Variants in RD3 observed in about 807,000 individuals in gnomAD.
RD3 encodes RD3 regulator of GUCY2D, also known as protein RD3.
Under a neutral mutation model 16.9 loss-of-function variants are expected in RD3, and 11 were observed. The observed-to-expected ratio is 0.65, with a 90% CI of 0.41 to 1.08. The LOEUF (loss-of-function observed/expected upper bound fraction) is 1.08. Ranked by LOEUF, RD3 falls within the 50% of genes least tolerant of loss-of-function variation. The pLI, the probability that RD3 is intolerant of heterozygous loss-of-function variation, is 0.00. For missense variants in RD3, 274 were observed against 267.4 expected, an observed-to-expected ratio of 1.02 and a Z score of -0.17; for synonymous variants, 116 against 114.8, an observed-to-expected ratio of 1.01 and a Z score of -0.07.
Position 211,477,389 on chromosome 1 carries a change from G to A in RD3, c.*1647C>T, listed in dbSNP as rs1031773730. ...GAATCACTTGAACCCGGGAGGCAAA[G>A]GTTGTGGTGAGCCGAGATCACGCCA... On this transcript the variant is annotated 3_prime_UTR_variant, in exon 3 of 3. Transcript: ENST00000680073. 1 of 151,784 alleles carries A rather than the reference G, an allele frequency of 6.6e-6. No homozygotes were observed. The highest frequency in any genetic ancestry group is 1.5e-5 in the Non-Finnish European group (1 of 68,006). 9.4% of individuals were successfully genotyped at this position (151,784 alleles called of 1,614,324 possible). A position where few individuals can be genotyped will look rare whatever the true frequency, so the allele number is the denominator to read the frequency against.
chr1:211,482,198 G>A (rs1705282975), intron 1 of RD3, among the ~76,000 whole-genome samples: 1 of 150,306 alleles, frequency 6.7e-6, no homozygotes, highest in African/African-American at 2.5e-5. Context: ...CTCCAGCCTG[G>A]GCAAAAAGAG....
chr1:211,478,317 G>T lies in RD3; in HGVS notation c.*719C>A. 1 of 397,174 alleles carries T rather than the reference G, an allele frequency of 2.5e-6. No individual in the cohort carries two copies. The highest frequency in any genetic ancestry group is 4.4e-5 in the Admixed American group (1 of 22,722). The allele number at this position is 397,174 out of a possible 1,614,324, so 24.6% of individuals were successfully genotyped here. The stretch of plus-strand genomic sequence containing the variant: ...AAGGTAAGAGATGGATCAGGCCACA[G>T]GTAGGTAGAGATGTAGCCTTTGGAC... On this transcript the variant is annotated 3_prime_UTR_variant, in exon 3 of 3. Transcript: ENST00000680073.
chr1:211,480,209 G>C (rs1482610584), intron 2 of RD3, among the ~76,000 whole-genome samples: 1 of 152,078 alleles, frequency 6.6e-6, no homozygotes, highest in Non-Finnish European at 1.5e-5. Context: ...TCAGAGCTGG[G>C]GGAGAGTAAG....
intron 2 of RD3, among the ~76,000 whole-genome samples, chr1:211,480,499 G>A (rs773433858): frequency 4.6e-5 from 7 of 152,156 alleles, no homozygotes; most frequent in Non-Finnish European, 1.0e-4. Flanking sequence ...GAAATTACTC[G>A]ATGCTTCCTT....
rs902074351 is a variant in RD3, at chr1:211,481,480, T to C, written c.-11-54A>G. 1.0e-5 allele frequency: 16 copies of C among 1,544,556 alleles called. No homozygotes were observed. The Admixed American group carries it at 1.9e-4, about 19-fold the overall frequency. On this transcript the variant is annotated intron_variant, in intron 1 of 2. Coordinates refer to ENST00000680073, the MANE Select transcript of RD3 (RefSeq NM_001164688.2). ...TCCTGGGCCCCTCTGTTAGTCAGAG[T>C]GGGGAACCTGGGAACCCAAGGGGGA...
chr1:211,487,493 T>C (rs1705396861), intron 1 of RD3, among the ~76,000 whole-genome samples: 3 of 152,334 alleles, frequency 2.0e-5, no homozygotes, highest in Non-Finnish European at 1.5e-5. Flanking sequence ...AGAGCAAATA[T>C]GGCAAAATAT....
Position 211,481,217 on chromosome 1 carries a change from G to T in RD3, c.199C>A (p.Pro67Thr). Residue 67 changes from proline (P) to threonine (T), a missense_variant, in exon 2 of 3, where the codon CCC becomes ACC. Physicochemically the swap from Pro to Thr is conservative, Grantham distance 38 (BLOSUM62 -1). Coordinates refer to ENST00000680073, the MANE Select transcript of RD3 (RefSeq NM_001164688.2). ...GVDYSWLAST[P>T]RSTYDLSPIE... ...GGGCTGAGGTCATAGGTGGACCGGG[G>T]TGTGCTGGCCAGCCAGCTGTAGTCC... 3.1e-6 allele frequency: 5 copies of T among 1,614,276 alleles called. No homozygotes were observed. The highest frequency in any genetic ancestry group is 4.2e-6 in the Non-Finnish European group (5 of 1,180,058).
At chr1:211,484,911 T>C (rs958346738) in intron 1 of RD3, among the ~76,000 whole-genome samples, 15 of 152,244 alleles carry the variant, frequency 9.9e-5, no homozygotes, top group African/African-American at 3.6e-4. Flanking sequence ...GGCAGTGCTG[T>C]CTGCCCTGCT....
rs1705249808 is a variant in RD3 at position 211,481,215 on chromosome 1, G to A, written c.201C>T (p.Pro67=). The A allele has an allele frequency of 6.2e-7, 1 of 1,614,146 alleles. No homozygotes were observed. Among genetic ancestry groups the A allele is most frequent in the African/African-American group, 1.3e-5 (1 of 74,946 alleles). Residue 67 remains proline (P), a synonymous_variant, in exon 2 of 3, where the codon CCC becomes CCT. Coordinates refer to ENST00000680073, the MANE Select transcript of RD3 (RefSeq NM_001164688.2). ...TGGGGCTGAGGTCATAGGTGGACCG[G>A]GGTGTGCTGGCCAGCCAGCTGTAGT... ...GVDYSWLAST[P]RSTYDLSPIE... is the part of the protein sequence containing the mutation.
chr1:211,478,136 G>T lies in RD3; in HGVS notation c.*900C>A. The T allele has an allele frequency of 2.5e-6, 1 of 398,710 alleles. No homozygotes were observed. The highest frequency in any genetic ancestry group is 4.4e-6 in the Non-Finnish European group (1 of 226,112). The allele number at this position is 398,710 out of a possible 1,614,324, so 24.7% of individuals were successfully genotyped here. A position where few individuals can be genotyped will look rare whatever the true frequency, so the allele number is the denominator to read the frequency against. ...AATTGAGAAACCTGGGCTCTTTAGG[G>T]CAGCATCTGAAGTCCTTGGAGCTGA... On this transcript the variant is annotated 3_prime_UTR_variant, in exon 3 of 3. Coordinates refer to ENST00000680073, the MANE Select transcript of RD3 (RefSeq NM_001164688.2).
chr1:211,489,143 G>A (rs1705433588), intron 1 of RD3, among the ~76,000 whole-genome samples: 1 of 152,158 alleles, frequency 6.6e-6, no homozygotes, highest in Non-Finnish European at 1.5e-5. Flanking sequence ...AAAATCAAAT[G>A]AGATTATGTC....
chr1:211,491,564 T>C (rs1373856805), intron 1 of RD3, among the ~76,000 whole-genome samples: 1 of 152,086 alleles, frequency 6.6e-6, no homozygotes, highest in Non-Finnish European at 1.5e-5. Flanking sequence ...CGGTTCCAAC[T>C]CCTGTGGAAC....
chr1:211,486,480 C>T lies in RD3; in HGVS notation c.-11-5054G>A, dbSNP rs1356838522. Among the ~76,000 whole-genome samples the T allele has an allele frequency of 2.0e-5, 3 of 151,610 alleles. No homozygotes were observed. The East Asian group carries it at 5.8e-4, about 29-fold the overall frequency. ...TGCCATTGCACTCCAGCCTGGGCAA[C>T]AAAGAGAGACTCCGACTCAAACAAA... On this transcript the variant is annotated intron_variant, in intron 1 of 2. Coordinates refer to ENST00000680073, the MANE Select transcript of RD3 (RefSeq NM_001164688.2).
chr1:211,490,598 T>A (rs955581645), intron 1 of RD3, among the ~76,000 whole-genome samples: 1 of 152,246 alleles, frequency 6.6e-6, no homozygotes, highest in Non-Finnish European at 1.5e-5. Flanking sequence ...CTTCTCTGGC[T>A]AATCTGCCTC....
At chr1:211,482,433 T>C (rs976190690) in intron 1 of RD3, among the ~76,000 whole-genome samples, 6 of 150,464 alleles carry the variant, frequency 4.0e-5, no homozygotes, top group African/African-American at 1.3e-4. Flanking sequence ...TGGTGAAGCA[T>C]AGAGTCAGCA....
chr1:211,487,678 C>T (rs1414443763), intron 1 of RD3, among the ~76,000 whole-genome samples: 2 of 152,248 alleles, frequency 1.3e-5, no homozygotes, highest in Non-Finnish European at 2.9e-5. Context: ...CCCCTGCCTG[C>T]AGTCCCTATT....
intron 1 of RD3, among the ~76,000 whole-genome samples, chr1:211,488,749 G>A (rs1705427654): frequency 6.6e-6 from 1 of 152,168 alleles, no homozygotes; most frequent in Non-Finnish European, 1.5e-5. Flanking sequence ...GGGAGCCGGG[G>A]TGGGGACAGA....
intron 1 of RD3, among the ~76,000 whole-genome samples, chr1:211,483,872 T>G (rs1421435994): frequency 6.6e-6 from 1 of 151,918 alleles, no homozygotes; most frequent in Non-Finnish European, 1.5e-5. Flanking sequence ...ACCAAAAGAG[T>G]GAATGGTGTA....
chr1:211,487,135 C>T (rs193024543), intron 1 of RD3, among the ~76,000 whole-genome samples: 1 of 152,306 alleles, frequency 6.6e-6, no homozygotes, highest in East Asian at 1.9e-4. Flanking sequence ...GATCCAGATC[C>T]ACCAAAGGGA....
Sources: allele counts gnomAD v4.1 joint callset (sites outside exome capture counted in the v4.1 genomes callset), GRCh38; gene constraint gnomAD v4.1.1; transcripts MANE v1.5; gene names NCBI Gene and HGNC (gene_info 2026-07-23, HGNC 2026-07-21).